Variants in F5 observed in about 807,000 individuals in gnomAD.
F5 encodes the protein activated protein c cofactor.
A neutral mutation model predicts 216.4 loss-of-function variants in F5; 138 were observed. The observed-to-expected ratio is 0.64, with a 90% CI of 0.56 to 0.73. F5 has a LOEUF of 0.73. Ranked by LOEUF, F5 falls within the 30% of genes least tolerant of loss-of-function variation. The pLI, the probability that F5 is intolerant of heterozygous loss-of-function variation, is 0.00. For synonymous variants in F5, 916 were observed against 930.7 expected, an observed-to-expected ratio of 0.98 and a Z score of 0.29; for missense variants, 2,403 against 2,674.0, an observed-to-expected ratio of 0.90 and a Z score of 2.24.
In F5 at chr1:169,524,882, T is replaced by C. The variant is rs1343103738; in HGVS notation, c.5743A>G (p.Thr1915Ala). 1.2e-6 allele frequency: 2 copies of C among 1,613,620 alleles called. No homozygotes were observed. Among genetic ancestry groups the C allele is most frequent in the African/African-American group, 1.3e-5 (1 of 74,874 alleles). The change falls in exon 19 of 25, where the codon ACT becomes GCT. Residue 1915 changes from threonine to alanine, a missense_variant. Around this residue, in one of 4 missense-constraint regions of F5, gnomAD observed 659 missense variants for 787.9 expected, o/e 0.84. Coordinates refer to ENST00000367797, the MANE Select transcript of F5 (RefSeq NM_000130.5). ...ATCTGTGAATCAGATATGATACCAG[T>C]GCTTAGTCCCATTGGCATCCTACAG... Reference protein sequence around the residue: ...RDCRMPMGLSTGIISDSQIKA... With the variant: ...RDCRMPMGLSAGIISDSQIKA...
chr1:169,525,955 C>A lies in F5; in HGVS notation c.5662G>T (p.Val1888Phe). The stretch of plus-strand genomic sequence containing the variant: ...ATCCCTGCTCTCTGGTTTTCTCCAA[C>A]CTCTGTGTTTAGGAGCCACCAGCCA... ...KPGWWLLNTE[V>F]GENQRAGMQT... Residue 1888 changes from valine to phenylalanine, a missense_variant, in exon 18 of 25, where the codon GTT becomes TTT. Val to Phe is a conservative substitution (Grantham distance 50). Coordinates refer to ENST00000367797, the MANE Select transcript of F5 (RefSeq NM_000130.5). 1 of 1,613,350 alleles carries A rather than the reference C, an allele frequency of 6.2e-7. No homozygotes were observed. The highest frequency in any genetic ancestry group is 1.1e-5 in the South Asian group (1 of 91,078).
intron 22 of F5, among the ~76,000 whole-genome samples, chr1:169,520,184 T>C (rs968999919): frequency 6.6e-6 from 1 of 152,222 alleles, no homozygotes; most frequent in Non-Finnish European, 1.5e-5. Flanking sequence ...CTGAGGACTT[T>C]GGAAGAGTCA....
intron 14 of F5, among the ~76,000 whole-genome samples, chr1:169,531,592 A>C (rs991263426): frequency 7.2e-5 from 11 of 152,092 alleles, no homozygotes; most frequent in African/African-American, 2.2e-4. Flanking sequence ...GATGCCTGTG[A>C]GCAGGGGAGT....
chr1:169,546,625 G>C lies in F5; in HGVS notation c.1612-33C>G, dbSNP rs567328724. Reference sequence around the variant, plus strand: ...ACAAAACAGTATAGTACTGGTACAAGAACAGACGCATAGACCAATGGAACA... The same window carrying C: ...ACAAAACAGTATAGTACTGGTACAACAACAGACGCATAGACCAATGGAACA... On this transcript the variant is annotated intron_variant, in intron 10 of 24. Coordinates refer to ENST00000367797, the MANE Select transcript of F5 (RefSeq NM_000130.5). 8.8e-6 allele frequency: 14 copies of C among 1,595,164 alleles called. No individual in the cohort carries two copies. In the East Asian group the frequency reaches 2.9e-4, roughly 33 times the overall value.
intron 5 of F5, among the ~76,000 whole-genome samples, chr1:169,558,362 A>G (rs189926620): frequency 1.2e-4 from 18 of 152,322 alleles, no homozygotes; most frequent in Admixed American, 9.8e-4. Context: ...GAAATAGAAT[A>G]CAATTTAAAA....
Position 169,512,290 on chromosome 1 carries a change from A to C in F5, c.*2023T>G, listed in dbSNP as rs145812037. On this transcript the variant is annotated 3_prime_UTR_variant, in exon 25 of 25. Coordinates refer to ENST00000367797, the MANE Select transcript of F5 (RefSeq NM_000130.5). ...GTAGAGAATAACGAAGCTGGATCTC[A>C]TGCTCCATTCCCATCTCTTCCCTAC... Among the ~76,000 whole-genome samples, 2 of 152,028 alleles carry C rather than the reference A, an allele frequency of 1.3e-5. No homozygotes were observed. The highest frequency in any genetic ancestry group is 1.9e-4 in the East Asian group (1 of 5,164).
At chr1:169,574,515 C>G (rs1660798390) in intron 2 of F5, among the ~76,000 whole-genome samples, 1 of 152,090 alleles carries the variant, frequency 6.6e-6, no homozygotes, top group Non-Finnish European at 1.5e-5. Flanking sequence ...ATTAGGCGTC[C>G]TAGAAGCAGG....
intron 22 of F5, among the ~76,000 whole-genome samples, chr1:169,518,790 C>T (rs1216804354): frequency 6.6e-6 from 1 of 152,130 alleles, no homozygotes; most frequent in African/African-American, 2.4e-5. Context: ...AACACAGTAA[C>T]TTGTCTAAGG....
chr1:169,536,706 A>G, intron 13 of F5, 26 bp from the exon 14 acceptor site: 20 of 1,579,638 alleles, frequency 1.3e-5, no homozygotes, highest in Non-Finnish European at 1.7e-5. Context: ...TATTTGTGTA[A>G]AAGAAGAAAT....
intron 7 of F5, among the ~76,000 whole-genome samples, chr1:169,553,075 TC>T: frequency 6.6e-6 from 1 of 152,228 alleles, no homozygotes; most frequent in East Asian, 1.9e-4. Flanking sequence ...CTAAAGTCTG[TC>T]CTATCACTTA....
chr1:169,579,986 A>C (rs1660952646), intron 2 of F5, among the ~76,000 whole-genome samples: 1 of 152,096 alleles, frequency 6.6e-6, no homozygotes, highest in South Asian at 2.1e-4. Context: ...TCCTTCCCTG[A>C]AGTTTGTGGT....
At chr1:169,537,485 A>G (rs1487772324) in intron 13 of F5, among the ~76,000 whole-genome samples, 1 of 152,182 alleles carries the variant, frequency 6.6e-6, no homozygotes, top group Non-Finnish European at 1.5e-5. Flanking sequence ...GAAATAGACA[A>G]ATGGGATTGC....
rs375021245 is a variant in F5 at position 169,533,974 on chromosome 1, C to T, written c.4971+2532G>A. On this transcript the variant is annotated intron_variant, in intron 14 of 24. Coordinates refer to ENST00000367797, the MANE Select transcript of F5 (RefSeq NM_000130.5). The stretch of plus-strand genomic sequence containing the variant: ...TGAAATCCACAAGCAGACAGCCCGG[C>T]GCCACACCCTGGACCTGGTAGTTAA... Among the ~76,000 whole-genome samples the T allele has an allele frequency of 1.5e-3, 227 of 152,176 alleles. 4 individuals are homozygous for T. The highest frequency in any genetic ancestry group is 5.2e-3 in the African/African-American group (214 of 41,514).
In F5 at chr1:169,523,234, C is replaced by T. The variant is rs1659352181; in HGVS notation, c.6011G>A (p.Trp2004Ter). 6.2e-7 allele frequency: 1 copy of T among 1,614,066 alleles called. No homozygotes were observed. Among genetic ancestry groups the T allele is most frequent in the Non-Finnish European group, 8.5e-7 (1 of 1,179,972 alleles). ...TGTGCTGTTCCCTTTGAAGATCTGC[C>T]AGTTGATCTGGTTGGAACTGTAAGC... is the stretch of plus-strand genomic sequence containing the variant. Reference protein sequence around the residue: ...YVAYSSNQINWQIFKGNSTRN... With the variant: ...YVAYSSNQIN Residue 2004 changes from tryptophan to a stop codon, truncating the protein, a stop_gained, in exon 21 of 25, where the codon TGG (tryptophan) becomes TAG (stop). Transcript: ENST00000367797. LOFTEE classifies it high-confidence loss of function.
intron 7 of F5, among the ~76,000 whole-genome samples, chr1:169,554,189 G>A (rs572246413): frequency 1.2e-5 from 1 of 84,498 alleles, no homozygotes; most frequent in Non-Finnish European, 3.0e-5. Flanking sequence ...AATTTTCTAG[G>A]TAGCCATATA....
chr1:169,579,452 A>G (rs1254340082), intron 2 of F5, among the ~76,000 whole-genome samples: 1 of 151,982 alleles, frequency 6.6e-6, no homozygotes, highest in Non-Finnish European at 1.5e-5. Context: ...ATGTCTCCCA[A>G]ATGTTGACAG....
intron 11 of F5, among the ~76,000 whole-genome samples, chr1:169,545,881 C>T (rs900748084): frequency 3.9e-5 from 6 of 152,230 alleles, no homozygotes; most frequent in African/African-American, 1.4e-4. Flanking sequence ...TGCTTTTGGC[C>T]ACTGAACTTT....
rs777507333 is a variant in F5, at chr1:169,552,664, T to C, written c.1189A>G (p.Thr397Ala). The C allele has an allele frequency of 1.9e-6, 3 of 1,612,534 alleles. No individual in the cohort carries two copies. The African/African-American group carries it at 4.0e-5, about 22-fold the overall frequency. ...IGKHYKKVMY[T>A]QYEDESFTKH... The stretch of plus-strand genomic sequence containing the variant: ...GTGAAGGACTCATCTTCGTACTGTG[T>C]GTACATAACTTTCTTATAATGTTTT... The change falls in exon 8 of 25, where the codon ACA (threonine) becomes GCA (alanine). Residue 397 changes from threonine to alanine, a missense_variant. Thr to Ala is a moderately conservative substitution (Grantham distance 58, BLOSUM62 0). Around this residue, in one of 4 missense-constraint regions of F5, gnomAD observed 1,425 missense variants for 1,554.8 expected, o/e 0.92. Coordinates refer to ENST00000367797, the MANE Select transcript of F5 (RefSeq NM_000130.5).
At chr1:169,574,086 A>T (rs1660787808) in intron 2 of F5, among the ~76,000 whole-genome samples, 1 of 152,218 alleles carries the variant, frequency 6.6e-6, no homozygotes, top group Admixed American at 6.5e-5. Context: ...TAATTTAAAG[A>T]TGATTTAAAG....
Sources: gnomAD v4.1 joint callset for allele counts (sites outside exome capture counted in the v4.1 genomes callset) on GRCh38, gnomAD v4.1.1 for gene constraint, gnomAD v4.1.1 regional missense constraint, MANE v1.5 for transcripts, NCBI Gene and HGNC (gene_info 2026-07-23, HGNC 2026-07-21) for gene names.